Variants in FBXO25 observed in about 807,000 individuals in gnomAD.
The protein encoded by FBXO25 is F-box only protein 25.
A neutral mutation model predicts 51.9 loss-of-function variants in FBXO25; 45 were observed. That is an observed-to-expected ratio of 0.87 (90% confidence interval 0.68 to 1.11). The LOEUF (loss-of-function observed/expected upper bound fraction) is 1.11. Ranked by LOEUF, FBXO25 falls within the 50% of genes most tolerant of loss-of-function variation. The pLI is 0.00. For missense variants in FBXO25, 507 were observed against 428.5 expected, an observed-to-expected ratio of 1.18 and a Z score of -1.62; for synonymous variants, 199 against 151.0, an observed-to-expected ratio of 1.32 and a Z score of -2.33.
intron 2 of FBXO25, among the ~76,000 whole-genome samples, chr8:425,140 A>T (rs891837930): frequency 6.8e-6 from 1 of 146,324 alleles, no homozygotes; most frequent in Non-Finnish European, 1.5e-5. Context: ...CCCGCCCCCC[A>T]CATGTCCCAT....
intron 8 of FBXO25, 69 bp downstream of exon 8, chr8:458,620 TAA>T: frequency 7.0e-7 from 1 of 1,438,740 alleles, no homozygotes; most frequent in Non-Finnish European, 9.5e-7. Flanking sequence ...CCATACCCTA[TAA>T]ACTCACCTGG....
At chr8:435,982 C>T (rs1022769572) in intron 5 of FBXO25, among the ~76,000 whole-genome samples, 8 of 152,174 alleles carry the variant, frequency 5.3e-5, no homozygotes, top group African/African-American at 1.4e-4. Context: ...ACAAGGTGGT[C>T]CCTTGGGGGT....
At chr8:434,782 G>A (rs1306061910) in intron 4 of FBXO25, among the ~76,000 whole-genome samples, 2 of 152,206 alleles carry the variant, frequency 1.3e-5, no homozygotes, top group African/African-American at 4.8e-5. Context: ...AACCTAGTGT[G>A]CTAATCTATA....
Position 469,059 on chromosome 8 carries a change from T to A in FBXO25, c.*255T>A, listed in dbSNP as rs1180244778. 14 of 443,720 alleles carry A rather than the reference T, an allele frequency of 3.2e-5. No homozygotes were observed. The highest frequency in any genetic ancestry group is 5.1e-5 in the Non-Finnish European group (13 of 252,694). The allele number at this position is 443,720 out of a possible 1,614,324, so 27.5% of individuals were successfully genotyped here. On this transcript the variant is annotated 3_prime_UTR_variant, in exon 10 of 10. Transcript: ENST00000350302. ...TTAAAATGTGAAATTTTGCGTACTC[T>A]CTCTCTCTATATATATAGTTCAAAA...
intron 5 of FBXO25, among the ~76,000 whole-genome samples, chr8:436,868 G>A (rs1798135399): frequency 6.6e-6 from 1 of 152,154 alleles, no homozygotes; most frequent in Non-Finnish European, 1.5e-5. Flanking sequence ...TTTAATTCTT[G>A]GTGTGAGTGA....
intron 7 of FBXO25, among the ~76,000 whole-genome samples, chr8:452,215 A>T (rs765717545): frequency 3.9e-5 from 6 of 152,228 alleles, no homozygotes; most frequent in Non-Finnish European, 8.8e-5. Flanking sequence ...TTGCCATCTA[A>T]ATATGGGATT....
At chr8:447,927 AG>A (rs1458712561) in intron 5 of FBXO25, among the ~76,000 whole-genome samples, 1 of 152,182 alleles carries the variant, frequency 6.6e-6, no homozygotes, top group Non-Finnish European at 1.5e-5. Context: ...GGCAGAAGAA[AG>A]GATGGCAGCA....
intron 2 of FBXO25, among the ~76,000 whole-genome samples, chr8:413,838 G>C (rs1242315155): frequency 6.6e-6 from 1 of 152,212 alleles, no homozygotes; most frequent in African/African-American, 2.4e-5. Flanking sequence ...CGCAAGGGAT[G>C]CTGGGGGTTG....
intron 7 of FBXO25, among the ~76,000 whole-genome samples, chr8:457,108 G>A (rs929669411): frequency 6.6e-6 from 1 of 152,132 alleles, no homozygotes. Context: ...GACCTATTGG[G>A]AACAAAAGGA....
chr8:467,548 A>G (rs1800253358), intron 9 of FBXO25, among the ~76,000 whole-genome samples: 1 of 152,224 alleles, frequency 6.6e-6, no homozygotes, highest in South Asian at 2.1e-4. Flanking sequence ...TTTGCTTTTA[A>G]TAACCTTGTA....
At chr8:451,241 T>A in intron 6 of FBXO25, 28 bp from the exon 7 acceptor site, 1 of 1,572,932 alleles carries the variant, frequency 6.4e-7, no homozygotes, top group Non-Finnish European at 8.6e-7. Flanking sequence ...ACTGTATCAA[T>A]CCATAGTTTT....
chr8:435,479 A>T, intron 4 of FBXO25, 136 bp from the exon 5 acceptor site: 1 of 1,029,262 alleles, frequency 9.7e-7, no homozygotes, highest in Non-Finnish European at 1.4e-6. Context: ...ACTCTCATCT[A>T]AATCTAAAAT....
At chr8:460,454 GA>G (rs1024549521) in intron 8 of FBXO25, among the ~76,000 whole-genome samples, 3 of 149,778 alleles carry the variant, frequency 2.0e-5, no homozygotes, top group East Asian at 1.9e-4. Context: ...TTAAGGCCCT[GA>G]AAAAAAAAGC....
Position 470,534 on chromosome 8 carries a change from C to A in FBXO25, c.*1730C>A, listed in dbSNP as rs1004849277. On this transcript the variant is annotated 3_prime_UTR_variant, in exon 10 of 10. Coordinates refer to ENST00000350302, the MANE Select transcript of FBXO25 (RefSeq NM_183420.2). The stretch of plus-strand genomic sequence containing the variant: ...AGTCAGGACCACAGGCATATACCAC[C>A]ATGCTCAGCTGTTTTTTTGTATTTT... 2.6e-5 allele frequency: 4 copies of A among 152,036 alleles called. No individual in the cohort carries two copies. The highest frequency in any genetic ancestry group is 4.8e-5 in the African/African-American group (2 of 41,384). 9.4% of individuals were successfully genotyped at this position (152,036 alleles called of 1,614,324 possible).
intron 7 of FBXO25, among the ~76,000 whole-genome samples, chr8:454,538 T>C (rs1355497913): frequency 6.6e-6 from 1 of 152,186 alleles, no homozygotes; most frequent in Admixed American, 6.5e-5. Flanking sequence ...TTATAACAGA[T>C]ATGCACACAG....
intron 5 of FBXO25, 108 bp downstream of exon 5, chr8:435,815 C>T (rs1798071426): frequency 4.1e-6 from 6 of 1,470,850 alleles, no homozygotes; most frequent in Middle Eastern, 2.5e-4. Context: ...TGAAGGTGTG[C>T]CTGTTTGCTG....
intron 5 of FBXO25, among the ~76,000 whole-genome samples, chr8:440,981 C>T (rs888610923): frequency 2.7e-5 from 4 of 147,622 alleles, no homozygotes; most frequent in Non-Finnish European, 1.5e-5. Context: ...TTTATCCAGT[C>T]TATCACTGAT....
intron 2 of FBXO25, among the ~76,000 whole-genome samples, chr8:417,872 G>A (rs771524729): frequency 6.6e-6 from 1 of 152,122 alleles, no homozygotes; most frequent in African/African-American, 2.4e-5. Context: ...GTATAGCATG[G>A]GTCATCTGTG....
rs1800652988 is a variant in FBXO25, at chr8:476,691, A to AATG, written c.*7888_*7890dup. ...TTTTTATTTCTGTAAAATCAGTTGT[A>AATG]ATGTCTCCTCCTGGTTTTTAGTTGT... On this transcript the variant is annotated 3_prime_UTR_variant, in exon 10 of 10. Coordinates refer to ENST00000350302, the MANE Select transcript of FBXO25 (RefSeq NM_183420.2). 6.6e-6 allele frequency: 1 copy of AATG among 152,056 alleles called. No homozygotes were observed. The highest frequency in any genetic ancestry group is 2.4e-5 in the African/African-American group (1 of 41,408). 9.4% of individuals were successfully genotyped at this position (152,056 alleles called of 1,614,324 possible). A position where few individuals can be genotyped will look rare whatever the true frequency, so the allele number is the denominator to read the frequency against.
Sources: gnomAD v4.1 joint callset for allele counts (sites outside exome capture counted in the v4.1 genomes callset) on GRCh38, gnomAD v4.1.1 for gene constraint, MANE v1.5 for transcripts, NCBI Gene and HGNC (gene_info 2026-07-23, HGNC 2026-07-21) for gene names.